The following RFX2 variants were observed in gnomAD, a reference collection of about 807,000 sequenced individuals.
The protein encoded by RFX2 is DNA-binding protein RFX2.
RFX2 carries 20 observed loss-of-function variants against 87.8 expected under a neutral mutation model. The observed-to-expected ratio is 0.23, with a 90% CI of 0.16 to 0.33. The LOEUF (loss-of-function observed/expected upper bound fraction) is 0.33. RFX2 is among the 10% of genes least tolerant of loss of function. RFX2 has a pLI of 1.00. For synonymous variants in RFX2, 397 were observed against 431.3 expected (o/e 0.92, Z 0.98); for missense variants, 767 against 1,012.3 (o/e 0.76, Z 3.29).
In RFX2 at chr19:6,013,441, C is replaced by T. The variant is rs564005564; in HGVS notation, c.780-336G>A. 1.4e-4 allele frequency among the ~76,000 whole-genome samples: 21 copies of T among 151,774 alleles called. No homozygotes were observed. The highest frequency in any genetic ancestry group is 5.1e-4 in the African/African-American group (21 of 41,358). On this transcript the variant is annotated intron_variant, in intron 7 of 17. Coordinates refer to ENST00000303657, the MANE Select transcript of RFX2 (RefSeq NM_000635.4). The surrounding 1 kb of genome is among the most constrained non-coding windows in gnomAD (Gnocchi z 4.1). Reference sequence around the variant, plus strand: ...GCTCAAGTGATCCTCCTGCCTTGGCCTCCCAAAGTGCTGGGATTACAGGCG... The same window carrying T: ...GCTCAAGTGATCCTCCTGCCTTGGCTTCCCAAAGTGCTGGGATTACAGGCG...
At chr19:6,051,512 A>T (rs1238863249) in intron 1 of RFX2, among the ~76,000 whole-genome samples, 3 of 152,182 alleles carry the variant, frequency 2.0e-5, no homozygotes, top group Non-Finnish European at 4.4e-5. Context: ...CACTAACCAA[A>T]AAAATATATA....
At chr19:6,105,133 AAG>A (rs1444989166) in intron 1 of RFX2, among the ~76,000 whole-genome samples, 11 of 151,994 alleles carry the variant, frequency 7.2e-5, no homozygotes, top group African/African-American at 2.7e-4. Context: ...AAAAAAAAAA[AAG>A]AAGTTAATAA....
intron 1 of RFX2, among the ~76,000 whole-genome samples, chr19:6,053,825 G>A (rs751061100): frequency 2.0e-5 from 3 of 151,748 alleles, no homozygotes; most frequent in Non-Finnish European, 2.9e-5. Context: ...GTGTAATGGC[G>A]GGCACCTGTA....
intron 1 of RFX2, among the ~76,000 whole-genome samples, chr19:6,073,868 C>T (rs2087644164): frequency 2.0e-5 from 3 of 152,166 alleles, no homozygotes; most frequent in South Asian, 4.1e-4. Context: ...GGCTGTTTAC[C>T]CAGCTCATAC....
chr19:6,015,941 G>A, intron 7 of RFX2, 149 bp downstream of exon 7: 2 of 643,018 alleles, frequency 3.1e-6, no homozygotes, highest in Non-Finnish European at 2.4e-6. Context: ...AGCCAAGGCT[G>A]CCGCCAATTG....
chr19:5,996,044 G>A (rs937381903), intron 16 of RFX2, among the ~76,000 whole-genome samples: 5 of 152,394 alleles, frequency 3.3e-5, no homozygotes, highest in South Asian at 4.1e-4. Context: ...TCACGCCAAT[G>A]TGCAGAGAAC....
chr19:6,009,997 T>C, intron 9 of RFX2, 139 bp downstream of exon 9: 2 of 518,816 alleles, frequency 3.9e-6, no homozygotes, highest in Non-Finnish European at 6.8e-6. Context: ...TCGAAAACTT[T>C]CTATTTGTCC....
chr19:6,091,350 G>C (rs575421384), intron 1 of RFX2, among the ~76,000 whole-genome samples: 1 of 151,956 alleles, frequency 6.6e-6, no homozygotes, highest in East Asian at 1.9e-4. Flanking sequence ...AGGCATGGTG[G>C]CGTGCACCTA....
At position 6,017,377 on chromosome 19, in the gene RFX2, G is replaced by A. The variant is rs1050527776; in HGVS notation, c.598-1106C>T. Among the ~76,000 whole-genome samples the A allele has an allele frequency of 1.3e-5, 2 of 152,216 alleles. No homozygotes were observed. Among genetic ancestry groups the A allele is most frequent in the Non-Finnish European group, 2.9e-5 (2 of 68,040 alleles). On this transcript the variant is annotated intron_variant, in intron 6 of 17. Coordinates refer to ENST00000303657, the MANE Select transcript of RFX2 (RefSeq NM_000635.4). This position sits in a 1 kb window ranked among gnomAD's most constrained non-coding sequence, Gnocchi z 4.1. ...CCCCACACTGGGCATGGACGCAAAG[G>A]TGGCCTGCCCACCAACTGATGCCCT...
chr19:6,106,930 A>G (rs1238014658), intron 1 of RFX2, among the ~76,000 whole-genome samples: 2 of 151,156 alleles, frequency 1.3e-5, no homozygotes, highest in East Asian at 3.9e-4. Flanking sequence ...AGAAACAAAT[A>G]TATATTATAA....
At chr19:6,067,189 G>C (rs2087526783) in intron 1 of RFX2, among the ~76,000 whole-genome samples, 1 of 152,190 alleles carries the variant, frequency 6.6e-6, no homozygotes, top group Admixed American at 6.5e-5. Context: ...AACAATGTGG[G>C]AGAGTTCATA....
Position 6,098,965 on chromosome 19 carries a change from C to CAAAAAAAAAAA in RFX2, c.-9+11417_-9+11427dup, listed in dbSNP as rs34110529. Among the ~76,000 whole-genome samples the CAAAAAAAAAAA allele has an allele frequency of 5.3e-4, 28 of 52,798 alleles. 1 individual carries two copies. Among genetic ancestry groups the CAAAAAAAAAAA allele is most frequent in the African/African-American group, 1.4e-3 (27 of 19,212 alleles). The allele number at this position is 52,798 out of a possible 152,430, so 34.6% of individuals were successfully genotyped here. A position where few individuals can be genotyped will look rare whatever the true frequency, so the allele number is the denominator to read the frequency against. ...AATCTTTCACAAACTGCTTGAACCA[C>CAAAAAAAAAAA]AAAAAAAAAAAAAAAAAAAAAAAAA... On this transcript the variant is annotated intron_variant, in intron 1 of 17. Transcript: ENST00000303657.
chr19:6,043,525 A>T (rs2087142470), intron 3 of RFX2, among the ~76,000 whole-genome samples: 1 of 152,260 alleles, frequency 6.6e-6, no homozygotes, highest in Non-Finnish European at 1.5e-5. Context: ...CTGAGGGCCA[A>T]ATCTGGCCCA....
chr19:6,002,796 C>A lies in RFX2; in HGVS notation c.1575G>T (p.Arg525=), dbSNP rs779054947. 3 of 1,613,830 alleles carry A rather than the reference C, an allele frequency of 1.9e-6. No individual in the cohort carries two copies. The highest frequency in any genetic ancestry group is 1.3e-5 in the African/African-American group (1 of 75,042). Residue 525 remains arginine, a synonymous_variant, in exon 14 of 18, where the codon CGG becomes CGT. Coordinates refer to ENST00000303657, the MANE Select transcript of RFX2 (RefSeq NM_000635.4). This position sits in a 1 kb window ranked among gnomAD's most constrained non-coding sequence, Gnocchi z 6.7. ...TCTGGGACGTGTTCTGCAGCACCGC[C>A]CGGGCCGCCTGCGCCAGGTGGTTGA... ...TSLNHLAQAA[R]AVLQNTSQIN...
rs766047985 is a variant in RFX2, at chr19:6,001,946, C to G, written c.1728G>C (p.Gln576His). Residue 576 changes from glutamine to histidine, a missense_variant, in exon 15 of 18, where the codon CAG (glutamine) becomes CAC (histidine). By Grantham distance (24) the Gln-to-His change is conservative. Transcript: ENST00000303657. The surrounding 1 kb of genome is among the most constrained non-coding windows in gnomAD (Gnocchi z 5.6). Reference protein sequence around the residue: ...RLEQDFKLTLQQQSSLDQWAS... With the variant: ...RLEQDFKLTLHQQSSLDQWAS... ...CCCACTGGTCCAGGGAGCTCTGCTGCTGCAGGGTCAGCTTGAAATCCTGCT... is the reference window on the plus strand; with the variant it reads ...CCCACTGGTCCAGGGAGCTCTGCTGGTGCAGGGTCAGCTTGAAATCCTGCT... The G allele has an allele frequency of 6.2e-7, 1 of 1,612,672 alleles. No individual in the cohort carries two copies. Among genetic ancestry groups the G allele is most frequent in the South Asian group, 1.1e-5 (1 of 91,068 alleles).
At chr19:6,104,147 A>G (rs1334797028) in intron 1 of RFX2, among the ~76,000 whole-genome samples, 1 of 152,154 alleles carries the variant, frequency 6.6e-6, no homozygotes, top group Non-Finnish European at 1.5e-5. Flanking sequence ...AACACCCAGC[A>G]CTATGACCTG....
intron 1 of RFX2, among the ~76,000 whole-genome samples, chr19:6,060,233 C>T (rs754695690): frequency 7.9e-5 from 12 of 152,176 alleles, no homozygotes; most frequent in Non-Finnish European, 1.6e-4. Context: ...CAGTTCCTTG[C>T]ATCTTCAACT....
At chr19:6,025,775 TGTC>T (rs1192690627) in intron 6 of RFX2, among the ~76,000 whole-genome samples, 4 of 151,496 alleles carry the variant, frequency 2.6e-5, no homozygotes, top group African/African-American at 7.3e-5. Context: ...GTCATTTTAT[TGTC>T]TTCTTCTTTT....
intron 9 of RFX2, among the ~76,000 whole-genome samples, chr19:6,009,355 C>T (rs2086631188): frequency 6.6e-6 from 1 of 152,186 alleles, no homozygotes; most frequent in Admixed American, 6.5e-5. Context: ...TGCCCTCCCT[C>T]ATGGCAGGCT....
Sources: gnomAD v4.1 joint callset for allele counts (sites outside exome capture counted in the v4.1 genomes callset) on GRCh38, gnomAD v4.1.1 for gene constraint, Gnocchi (gnomAD v3.1) non-coding constraint, MANE v1.5 for transcripts, NCBI Gene and HGNC (gene_info 2026-07-23, HGNC 2026-07-21) for gene names.